NXPE2: variants seen among roughly 807,000 people sequenced by gnomAD.
NXPE2 encodes the protein NXPE family member 2.
In NXPE2, 34 loss-of-function variants were observed where a neutral mutation model predicts 34.4. The ratio of observed to expected loss-of-function variants is 0.99; its 90% CI spans 0.75 to 1.31. The LOEUF (loss-of-function observed/expected upper bound fraction) is 1.31, where lower values mean the gene tolerates loss of function less well. Among genes scored for constraint, NXPE2 ranks in the 40% most tolerant of loss-of-function variants. NXPE2 has a pLI of 0.00. For missense variants in NXPE2, 649 were observed against 672.5 expected, an observed-to-expected ratio of 0.97 and a Z score of 0.39; for synonymous variants, 235 against 231.3, an observed-to-expected ratio of 1.02 and a Z score of -0.15.
At chr11:114,675,572 C>T (rs975776454), upstream of NXPE2, among the ~76,000 whole-genome samples, 1 of 151,574 alleles carries the variant, frequency 6.6e-6, no homozygotes, top group Non-Finnish European at 1.5e-5. Context: ...AAAAAAAACC[C>T]TTAGGAATTA....
At chr11:114,530,257 G>C in the NXPE2 span, 3 of 1,613,700 alleles carry the variant, frequency 1.9e-6, no homozygotes, top group East Asian at 2.2e-5. Flanking sequence ...GCCTCACAGG[G>C]CATGTGTTGA....
At chr11:114,756,418 C>T in the NXPE2 span, among the ~76,000 whole-genome samples, 1 of 152,122 alleles carries the variant, frequency 6.6e-6, no homozygotes, top group Admixed American at 6.5e-5. Flanking sequence ...TTTTTAAAAA[C>T]TCCTTGTTTT....
At chr11:114,700,908 C>G (rs1290545039) in intron 3 of NXPE2, among the ~76,000 whole-genome samples, 1 of 151,956 alleles carries the variant, frequency 6.6e-6, no homozygotes, top group Non-Finnish European at 1.5e-5. Flanking sequence ...TCTGATATGT[C>G]TTCAGAGGGC....
the NXPE2 span, among the ~76,000 whole-genome samples, chr11:114,609,395 C>T: frequency 3.3e-5 from 5 of 151,900 alleles, no homozygotes; most frequent in Admixed American, 1.3e-4. Flanking sequence ...AGTATTGCAT[C>T]GCTGGTAACC....
At chr11:114,777,930 CTG>C in the NXPE2 span, among the ~76,000 whole-genome samples, 2 of 152,332 alleles carry the variant, frequency 1.3e-5, no homozygotes, top group Admixed American at 6.5e-5. Context: ...GAGCAAATAA[CTG>C]TGACAAAACA....
intron 2 of NXPE2, among the ~76,000 whole-genome samples, chr11:114,686,443 T>A (rs184741216): frequency 8.3e-4 from 127 of 152,296 alleles, no homozygotes; most frequent in Non-Finnish European, 1.3e-3. Flanking sequence ...ACAAAGGACA[T>A]GATTTTGTGC....
the NXPE2 span, among the ~76,000 whole-genome samples, chr11:114,479,002 G>A: frequency 3.5e-4 from 54 of 152,278 alleles, no homozygotes; most frequent in Middle Eastern, 0.01. Flanking sequence ...AGCACAAAGT[G>A]CCATCTATAG....
the NXPE2 span, among the ~76,000 whole-genome samples, chr11:114,482,569 A>G: frequency 1.3e-5 from 2 of 152,206 alleles, no homozygotes; most frequent in Admixed American, 6.5e-5. Flanking sequence ...TCCTCCCTGC[A>G]TAACAGTCAA....
chr11:114,506,504 C>G, the NXPE2 span, among the ~76,000 whole-genome samples: 1 of 152,042 alleles, frequency 6.6e-6, no homozygotes, highest in African/African-American at 2.4e-5. Flanking sequence ...TCAGCAAATG[C>G]AAAAGAACTG....
chr11:114,475,226 G>GTTTTTTTTTT, the NXPE2 span, among the ~76,000 whole-genome samples: 182 of 88,034 alleles, frequency 2.1e-3, 35 homozygotes, highest in Non-Finnish European at 2.8e-3. Context: ...AATGTGAACT[G>GTTTTTTTTTT]TTTTTTTTTT....
the NXPE2 span, among the ~76,000 whole-genome samples, chr11:114,619,160 A>AG: frequency 7.9e-6 from 1 of 126,158 alleles, no homozygotes; most frequent in African/African-American, 3.0e-5. Context: ...GGTAATAAGT[A>AG]TTGCCTCTAG....
chr11:114,677,952 C>G (rs1278617625), upstream of NXPE2, among the ~76,000 whole-genome samples: 2 of 152,082 alleles, frequency 1.3e-5, no homozygotes, highest in Non-Finnish European at 2.9e-5. Flanking sequence ...CTTTTGGATT[C>G]TCTTACCTTG....
the NXPE2 span, among the ~76,000 whole-genome samples, chr11:114,794,733 C>A: frequency 6.6e-6 from 1 of 152,158 alleles, no homozygotes; most frequent in Non-Finnish European, 1.5e-5. Flanking sequence ...AATTCCCACT[C>A]ATGGGGAATC....
the NXPE2 span, chr11:114,522,959 C>T: frequency 1.9e-6 from 3 of 1,613,604 alleles, no homozygotes; most frequent in Non-Finnish European, 2.5e-6. Flanking sequence ...GCCTTTCAAA[C>T]AGCCATTTAT....
At chr11:114,614,456 C>G in the NXPE2 span, among the ~76,000 whole-genome samples, 2 of 151,596 alleles carry the variant, frequency 1.3e-5, no homozygotes, top group African/African-American at 4.8e-5. Context: ...ACCACTGTTA[C>G]CCGCTGGATG....
chr11:114,735,639 A>T, the NXPE2 span, among the ~76,000 whole-genome samples: 1 of 152,232 alleles, frequency 6.6e-6, no homozygotes, highest in East Asian at 1.9e-4. Context: ...GTCATCATTC[A>T]TATGTGCTAA....
chr11:114,683,311 T>C (rs1457466778), intron 2 of NXPE2, among the ~76,000 whole-genome samples: 2 of 152,222 alleles, frequency 1.3e-5, no homozygotes, highest in African/African-American at 4.8e-5. Context: ...GTTTGAATTA[T>C]TTTTTGTAAT....
intron 2 of NXPE2, among the ~76,000 whole-genome samples, chr11:114,680,740 A>G (rs1383009446): frequency 6.6e-6 from 1 of 152,176 alleles, no homozygotes; most frequent in African/African-American, 2.4e-5. Flanking sequence ...TAAGATTACA[A>G]AGTATTAACA....
the NXPE2 span, among the ~76,000 whole-genome samples, chr11:114,716,293 G>A: frequency 1.3e-5 from 2 of 152,082 alleles, no homozygotes; most frequent in African/African-American, 4.8e-5. Context: ...CACCTACTCT[G>A]GATCCAAAGA....
Sources: allele counts gnomAD v4.1 joint callset (sites outside exome capture counted in the v4.1 genomes callset), GRCh38; gene constraint gnomAD v4.1.1; transcripts MANE v1.5; gene names NCBI Gene and HGNC (gene_info 2026-07-23, HGNC 2026-07-21).